Variants in AIG1 observed in about 807,000 individuals in gnomAD.
AIG1 encodes the protein androgen-induced gene 1 protein.
In AIG1, 23 loss-of-function variants were observed where a neutral mutation model predicts 31.4. The ratio of observed to expected loss-of-function variants is 0.73; its 90% confidence interval spans 0.53 to 1.04. AIG1 has a LOEUF of 1.04. Among genes scored for constraint, AIG1 ranks in the 50% least tolerant of loss-of-function variants. AIG1 has a pLI of 0.00. For synonymous variants in AIG1, 100 were observed against 110.5 expected (o/e 0.90, Z 0.60); for missense variants, 274 against 295.0 (o/e 0.93, Z 0.52).
chr6:143,211,385 G>T (rs1332661181), intron 3 of AIG1, among the ~76,000 whole-genome samples: 1 of 152,182 alleles, frequency 6.6e-6, no homozygotes, highest in African/African-American at 2.4e-5. Flanking sequence ...GTGCTATGAA[G>T]GAGACATGGA....
chr6:143,171,130 C>CA (rs1414675514), intron 3 of AIG1, among the ~76,000 whole-genome samples: 1 of 151,228 alleles, frequency 6.6e-6, no homozygotes, highest in African/African-American at 2.4e-5. Flanking sequence ...GTAGATAAAC[C>CA]AAAAAAGGTT....
In AIG1 at chr6:143,333,165, G is replaced by C; in HGVS notation, c.516-117G>C. The C allele has an allele frequency of 9.5e-7, 1 of 1,055,704 alleles. No homozygotes were observed. Among genetic ancestry groups the C allele is most frequent in the Non-Finnish European group, 1.3e-6 (1 of 771,574 alleles). The allele number at this position is 1,055,704 out of a possible 1,614,324, so 65.4% of individuals were successfully genotyped here. On this transcript the variant is annotated intron_variant, in intron 4 of 5. Transcript: ENST00000357847. The surrounding 1 kb of genome is among the most constrained non-coding windows in gnomAD (Gnocchi z 4.6). ...TCCTGAGTATCAGAAGCGAACTTGA[G>C]ACTGGCAAATGCTGAAGCATGGGGA...
chr6:143,209,362 A>C (rs939507954), intron 3 of AIG1, among the ~76,000 whole-genome samples: 2 of 152,124 alleles, frequency 1.3e-5, no homozygotes, highest in Non-Finnish European at 2.9e-5. Context: ...GGCAAAGGGG[A>C]ATTAAGGTTG....
chr6:143,083,074 T>C (rs954695235), intron 1 of AIG1, among the ~76,000 whole-genome samples: 5 of 152,248 alleles, frequency 3.3e-5, no homozygotes, highest in Non-Finnish European at 7.3e-5. Context: ...GATAAGCCGA[T>C]ATAGGCTGGA....
intron 4 of AIG1, among the ~76,000 whole-genome samples, chr6:143,313,308 C>T (rs926841679): frequency 3.9e-5 from 6 of 152,158 alleles, no homozygotes; most frequent in Middle Eastern, 3.4e-3. Flanking sequence ...ACCTATGTGT[C>T]CAAAAACAGA....
At chr6:143,178,496 T>C (rs913425963) in intron 3 of AIG1, among the ~76,000 whole-genome samples, 1 of 152,222 alleles carries the variant, frequency 6.6e-6, no homozygotes, top group African/African-American at 2.4e-5. Flanking sequence ...TTATTAGGAC[T>C]ACAGGCATCC....
At chr6:143,266,679 A>C (rs76043077) in intron 3 of AIG1, among the ~76,000 whole-genome samples, 1,567 of 151,366 alleles carry the variant, frequency 0.01, 43 homozygotes, top group East Asian at 0.065. Flanking sequence ...CATGGTGGCT[A>C]ACACCTACAA....
intron 3 of AIG1, among the ~76,000 whole-genome samples, chr6:143,273,925 C>T (rs1796715777): frequency 6.6e-6 from 1 of 152,088 alleles, no homozygotes; most frequent in Non-Finnish European, 1.5e-5. Flanking sequence ...GAGAGTGGGC[C>T]ACCAAAAACA....
At chr6:143,237,141 T>C (rs1793867099) in intron 3 of AIG1, among the ~76,000 whole-genome samples, 1 of 152,200 alleles carries the variant, frequency 6.6e-6, no homozygotes, top group African/African-American at 2.4e-5. Context: ...CTCCTTGATA[T>C]TAATAATCTA....
intron 3 of AIG1, among the ~76,000 whole-genome samples, chr6:143,213,993 A>G (rs6916926): frequency 0.041 from 6,179 of 152,302 alleles, 376 homozygotes; most frequent in African/African-American, 0.14. Flanking sequence ...CTAGAGAAAC[A>G]GATCTTTCAT....
intron 1 of AIG1, among the ~76,000 whole-genome samples, chr6:143,096,849 T>C (rs371219930): frequency 2.6e-5 from 4 of 152,242 alleles, no homozygotes; most frequent in African/African-American, 7.2e-5. Context: ...GACTGTGTCA[T>C]TGATACTGTA....
intron 2 of AIG1, among the ~76,000 whole-genome samples, chr6:143,157,784 G>T (rs1209397810): frequency 1.3e-5 from 2 of 151,906 alleles, no homozygotes; most frequent in African/African-American, 4.8e-5. Flanking sequence ...CTTTAATGGA[G>T]AATTATTTGA....
At chr6:143,278,937 A>C (rs1311658380) in intron 3 of AIG1, among the ~76,000 whole-genome samples, 2 of 152,170 alleles carry the variant, frequency 1.3e-5, no homozygotes, top group East Asian at 3.8e-4. Flanking sequence ...GAGAGTTTAC[A>C]TACAGTTTTC....
intron 3 of AIG1, among the ~76,000 whole-genome samples, chr6:143,240,396 G>T (rs185778456): frequency 6.6e-6 from 1 of 152,326 alleles, no homozygotes; most frequent in East Asian, 1.9e-4. Context: ...GTTTAGCTTG[G>T]AGAAGTTACA....
chr6:143,222,998 A>G (rs140904377), intron 3 of AIG1, among the ~76,000 whole-genome samples: 214 of 152,354 alleles, frequency 1.4e-3, no homozygotes, highest in African/African-American at 4.9e-3. Flanking sequence ...TTGGATTCAG[A>G]ACACAGACAA....
At chr6:143,119,413 A>T (rs1782050691) in intron 1 of AIG1, among the ~76,000 whole-genome samples, 1 of 152,204 alleles carries the variant, frequency 6.6e-6, no homozygotes, top group Non-Finnish European at 1.5e-5. Flanking sequence ...AATAAAGTCC[A>T]CTTCTGAATT....
intron 3 of AIG1, among the ~76,000 whole-genome samples, chr6:143,198,600 C>T (rs571446054): frequency 6.6e-6 from 1 of 152,294 alleles, no homozygotes; most frequent in African/African-American, 2.4e-5. Flanking sequence ...CCAGTTCTTC[C>T]TCATGAGGTC....
chr6:143,301,973 C>T (rs898586830), intron 4 of AIG1, among the ~76,000 whole-genome samples: 4 of 151,542 alleles, frequency 2.6e-5, no homozygotes, highest in African/African-American at 9.7e-5. Context: ...GGACTAGTGT[C>T]CTTTTGATCT....
chr6:143,267,713 T>C (rs1796251352), intron 3 of AIG1, among the ~76,000 whole-genome samples: 1 of 152,178 alleles, frequency 6.6e-6, no homozygotes, highest in Non-Finnish European at 1.5e-5. Flanking sequence ...GTCAGGGAGA[T>C]ACATTGGCTG....
Sources: allele counts gnomAD v4.1 joint callset (sites outside exome capture counted in the v4.1 genomes callset), GRCh38; gene constraint gnomAD v4.1.1; non-coding constraint Gnocchi (gnomAD v3.1); transcripts MANE v1.5; gene names NCBI Gene and HGNC (gene_info 2026-07-23, HGNC 2026-07-21).